The following SKAP2 variants were observed in gnomAD, a reference collection of about 807,000 sequenced individuals.
SKAP2 encodes the protein src kinase associated phosphoprotein 2.
A neutral mutation model predicts 54.9 loss-of-function variants in SKAP2; 28 were observed. The ratio of observed to expected loss-of-function variants is 0.51; its 90% CI spans 0.38 to 0.70. The LOEUF (loss-of-function observed/expected upper bound fraction) is 0.70, where lower values mean the gene tolerates loss of function less well. Among genes scored for constraint, SKAP2 ranks in the 30% least tolerant of loss-of-function variants. The pLI is 0.00. For synonymous variants in SKAP2, 137 were observed against 134.3 expected (o/e 1.02, Z -0.14); for missense variants, 356 against 424.1 (o/e 0.84, Z 1.41).
chr7:26,830,834 T>G (rs1459814442), intron 4 of SKAP2, among the ~76,000 whole-genome samples: 30 of 152,200 alleles, frequency 2.0e-4, no homozygotes, highest in Admixed American at 2.0e-3. Flanking sequence ...GTTTAATTTT[T>G]GTAAAAATAA....
intron 1 of SKAP2, among the ~76,000 whole-genome samples, chr7:26,860,304 A>T (rs867322833): frequency 1.3e-5 from 2 of 152,182 alleles, no homozygotes; most frequent in Admixed American, 6.5e-5. Context: ...AATTTTCCTA[A>T]CACCACATCT....
Position 26,801,527 on chromosome 7 carries a change from GAAAT to G in SKAP2, c.307+42499_307+42502del, listed in dbSNP as rs1426097133. ...AGCTAGAGCAATCAGACAACAGAAAGAAATAAAGGCATCCAAATTGGAAAGGAGG... is the reference window on the plus strand; with the variant it reads ...AGCTAGAGCAATCAGACAACAGAAAGAAAGGCATCCAAATTGGAAAGGAGG... On this transcript the variant is annotated intron_variant, in intron 4 of 12. Coordinates refer to ENST00000345317, the MANE Select transcript of SKAP2 (RefSeq NM_003930.5). Among the ~76,000 whole-genome samples the G allele has an allele frequency of 2.0e-5, 3 of 152,202 alleles. No homozygotes were observed. In the East Asian group the frequency reaches 5.8e-4, roughly 29 times the overall value.
chr7:26,678,442 CTTTTTTTTT>C (rs931425488), intron 11 of SKAP2, among the ~76,000 whole-genome samples: 7 of 133,834 alleles, frequency 5.2e-5, no homozygotes, highest in African/African-American at 2.0e-4. Context: ...ACTGGTTGTT[CTTTTTTTTT>C]TTTTTTTTGA....
chr7:26,794,066 A>G (rs1386977246), intron 4 of SKAP2, among the ~76,000 whole-genome samples: 1 of 152,214 alleles, frequency 6.6e-6, no homozygotes, highest in African/African-American at 2.4e-5. Context: ...TTAAAAGCAA[A>G]CAAGAAAATT....
chr7:26,755,328 G>A (rs1242526052), intron 4 of SKAP2, among the ~76,000 whole-genome samples: 3 of 143,080 alleles, frequency 2.1e-5, no homozygotes, highest in Non-Finnish European at 4.4e-5. Flanking sequence ...AAGAAGTCAG[G>A]TATACTGTTA....
At chr7:26,665,337 T>G (rs757236138), downstream of SKAP2, among the ~76,000 whole-genome samples, 2 of 152,180 alleles carry the variant, frequency 1.3e-5, no homozygotes, top group Non-Finnish European at 2.9e-5. Flanking sequence ...GTACCACAAC[T>G]CAACTTTCTT....
intron 6 of SKAP2, among the ~76,000 whole-genome samples, chr7:26,733,029 G>T (rs1243826832): frequency 1.3e-5 from 2 of 152,006 alleles, no homozygotes; most frequent in Admixed American, 1.3e-4. Context: ...TACTCAGGAG[G>T]CTGAGGCAGA....
chr7:26,793,552 T>C (rs1783712361), intron 4 of SKAP2, among the ~76,000 whole-genome samples: 1 of 152,174 alleles, frequency 6.6e-6, no homozygotes, highest in Non-Finnish European at 1.5e-5. Context: ...TAGTAATTAG[T>C]ATTTTGTGTG....
chr7:26,736,042 GA>G (rs1317276322), intron 6 of SKAP2, among the ~76,000 whole-genome samples: 1 of 152,144 alleles, frequency 6.6e-6, no homozygotes, highest in East Asian at 1.9e-4. Flanking sequence ...ACATCAACAT[GA>G]AAAAGGAATG....
intron 6 of SKAP2, among the ~76,000 whole-genome samples, chr7:26,736,919 G>T (rs1358406666): frequency 6.6e-6 from 1 of 151,762 alleles, no homozygotes; most frequent in Middle Eastern, 3.2e-3. Flanking sequence ...AAAAAAAAAG[G>T]AATGTAACTA....
intron 9 of SKAP2, among the ~76,000 whole-genome samples, chr7:26,708,844 G>GA (rs1177843438): frequency 1.3e-5 from 2 of 152,198 alleles, no homozygotes; most frequent in African/African-American, 2.4e-5. Context: ...GTCTAGCACA[G>GA]TGCCTGACAT....
At chr7:26,698,945 A>G (rs2127945253) in intron 9 of SKAP2, among the ~76,000 whole-genome samples, 1 of 152,304 alleles carries the variant, frequency 6.6e-6, no homozygotes, top group African/African-American at 2.4e-5. Flanking sequence ...GGTGATATAA[A>G]CAAAATGTGG....
intron 4 of SKAP2, among the ~76,000 whole-genome samples, chr7:26,790,811 A>C (rs913693573): frequency 2.0e-5 from 3 of 152,224 alleles, no homozygotes; most frequent in Admixed American, 1.3e-4. Flanking sequence ...GAAAAGCAGG[A>C]ACCATATATC....
intron 9 of SKAP2, among the ~76,000 whole-genome samples, chr7:26,691,806 AAAAG>A (rs1786789571): frequency 6.6e-6 from 1 of 152,220 alleles, no homozygotes; most frequent in Non-Finnish European, 1.5e-5. Flanking sequence ...TATGATCTTT[AAAAG>A]AAAAAGGCAT....
Position 26,854,766 on chromosome 7 carries a change from CA to C in SKAP2, c.173+18del. On this transcript the variant is annotated intron_variant, in intron 2 of 12. Transcript: ENST00000345317. The stretch of plus-strand genomic sequence containing the variant: ...TGCTTCTATGTAAGAAATCAGTAAA[CA>C]AAAGGTAAGTGACTTACATAGACTT... 1 of 1,571,406 alleles carries C rather than the reference CA, an allele frequency of 6.4e-7. No individual in the cohort carries two copies.
the SKAP2 span, among the ~76,000 whole-genome samples, chr7:26,656,307 C>T: frequency 2.0e-5 from 3 of 152,158 alleles, no homozygotes; most frequent in African/African-American, 7.2e-5. Flanking sequence ...GACTTTTCTG[C>T]ATCCCTATGC....
rs191318060 is a variant in SKAP2 at position 26,808,759 on chromosome 7, C to T, written c.307+35271G>A. 1.6e-3 allele frequency among the ~76,000 whole-genome samples: 248 copies of T among 152,234 alleles called. 1 individual carries two copies. The highest frequency in any genetic ancestry group is 5.7e-3 in the African/African-American group (238 of 41,548). On this transcript the variant is annotated intron_variant, in intron 4 of 12. Coordinates refer to ENST00000345317, the MANE Select transcript of SKAP2 (RefSeq NM_003930.5). ...CTCTATACCTTAATTTCTTCATGTA[C>T]AAAATGGGTATAACAACAATGCCTA...
At chr7:26,857,622 C>T (rs1785199465) in intron 1 of SKAP2, 1 of 985,418 alleles carries the variant, frequency 1.0e-6, no homozygotes, top group Non-Finnish European at 1.2e-6. Context: ...TCCAGCTCTG[C>T]CCTCTGAGAA....
At chr7:26,720,667 C>T (rs1787559245) in intron 9 of SKAP2, among the ~76,000 whole-genome samples, 1 of 152,166 alleles carries the variant, frequency 6.6e-6, no homozygotes, top group Non-Finnish European at 1.5e-5. Context: ...AGGAAACTTA[C>T]AATCATGGCG....
Sources: gnomAD v4.1 joint callset for allele counts (sites outside exome capture counted in the v4.1 genomes callset) on GRCh38, gnomAD v4.1.1 for gene constraint, MANE v1.5 for transcripts, NCBI Gene and HGNC (gene_info 2026-07-23, HGNC 2026-07-21) for gene names.